EYA2: variants seen among roughly 807,000 people sequenced by gnomAD.
EYA2 encodes the protein EYA transcriptional coactivator and phosphatase 2.
EYA2 carries 31 observed loss-of-function variants against 69.2 expected under a neutral mutation model. The ratio of observed to expected loss-of-function variants is 0.45; its 90% confidence interval spans 0.34 to 0.60. The LOEUF (loss-of-function observed/expected upper bound fraction) is 0.60, where lower values mean the gene tolerates loss of function less well. Among genes scored for constraint, EYA2 ranks in the 20% least tolerant of loss-of-function variants. The pLI, the probability that EYA2 is intolerant of heterozygous loss-of-function variation, is 0.02. For synonymous variants in EYA2, 257 were observed against 279.4 expected (o/e 0.92, Z 0.80); for missense variants, 622 against 701.2 (o/e 0.89, Z 1.28).
chr20:47,156,186 T>A (rs1260600754), intron 10 of EYA2, among the ~76,000 whole-genome samples: 13 of 88,826 alleles, frequency 1.5e-4, no homozygotes, highest in Admixed American at 3.0e-4. Context: ...ATATATATAT[T>A]AGCCGGGCAT....
At chr20:47,161,954 T>G (rs2034077070) in intron 10 of EYA2, among the ~76,000 whole-genome samples, 1 of 152,182 alleles carries the variant, frequency 6.6e-6, no homozygotes, top group South Asian at 2.1e-4. Context: ...CAAGAGAAAC[T>G]TACTGTCCCA....
At chr20:46,898,819 G>A (rs1983947493) in intron 1 of EYA2, among the ~76,000 whole-genome samples, 1 of 152,178 alleles carries the variant, frequency 6.6e-6, no homozygotes, top group Non-Finnish European at 1.5e-5. Context: ...CAGTTTTAAG[G>A]TACCTGCCAG....
chr20:46,980,413 G>A (rs973602776), intron 1 of EYA2, among the ~76,000 whole-genome samples: 1 of 152,122 alleles, frequency 6.6e-6, no homozygotes, highest in Non-Finnish European at 1.5e-5. Flanking sequence ...ATAAAACGGT[G>A]TGGTTCGTAA....
intron 5 of EYA2, among the ~76,000 whole-genome samples, chr20:47,067,552 G>C (rs1047187918): frequency 7.2e-5 from 11 of 151,892 alleles, no homozygotes; most frequent in African/African-American, 2.7e-4. Context: ...AATAGCTCAT[G>C]TCACCCATAA....
At chr20:47,016,334 T>C in intron 5 of EYA2, 37 bp downstream of exon 5, 1 of 1,514,722 alleles carries the variant, frequency 6.6e-7, no homozygotes, top group South Asian at 1.1e-5. Context: ...TGCCCATCTC[T>C]AAGGACCACC....
chr20:47,026,995 A>G (rs1194529627), intron 5 of EYA2, among the ~76,000 whole-genome samples: 2 of 73,296 alleles, frequency 2.7e-5, no homozygotes, highest in Admixed American at 2.7e-4. Flanking sequence ...CACATCTTGC[A>G]GTCTTGCTCC....
intron 4 of EYA2, among the ~76,000 whole-genome samples, chr20:47,006,404 A>C (rs1982718212): frequency 1.3e-5 from 2 of 152,228 alleles, no homozygotes; most frequent in Admixed American, 1.3e-4. Context: ...AATCCGGGCT[A>C]TCCAGTGGAA....
At chr20:47,002,115 T>A (rs1453673592) in intron 3 of EYA2, among the ~76,000 whole-genome samples, 5 of 151,828 alleles carry the variant, frequency 3.3e-5, no homozygotes, top group South Asian at 2.1e-4. Context: ...TTTTTCTCTT[T>A]CCCTTCCTCT....
intron 9 of EYA2, among the ~76,000 whole-genome samples, chr20:47,136,422 A>G (rs1454540062): frequency 6.6e-6 from 1 of 152,196 alleles, no homozygotes; most frequent in Non-Finnish European, 1.5e-5. Context: ...CACGAGGCAG[A>G]TCTTTGGGCC....
chr20:47,016,614 A>C (rs529925664), intron 5 of EYA2, among the ~76,000 whole-genome samples: 1 of 152,354 alleles, frequency 6.6e-6, no homozygotes, highest in East Asian at 1.9e-4. Context: ...GTGACTTTAG[A>C]TCAAATCACC....
At chr20:46,949,307 G>A (rs542740032) in intron 1 of EYA2, among the ~76,000 whole-genome samples, 1 of 152,340 alleles carries the variant, frequency 6.6e-6, no homozygotes, top group East Asian at 1.9e-4. Context: ...AAAATCTGAA[G>A]TTAACAGTGA....
intron 9 of EYA2, among the ~76,000 whole-genome samples, chr20:47,099,565 A>G (rs1245114911): frequency 6.6e-6 from 1 of 152,210 alleles, no homozygotes; most frequent in Non-Finnish European, 1.5e-5. Context: ...AGAGCATCAC[A>G]AATGCTAACT....
intron 1 of EYA2, among the ~76,000 whole-genome samples, chr20:46,960,675 C>G (rs1388164852): frequency 6.6e-6 from 1 of 152,206 alleles, no homozygotes; most frequent in Non-Finnish European, 1.5e-5. Context: ...TATTAGAACA[C>G]AGTCATCCCA....
rs1985221605 is a variant in EYA2 at position 46,922,442 on chromosome 20, C to T, written c.-11+27455C>T. Among the ~76,000 whole-genome samples, 4 of 152,148 alleles carry T rather than the reference C, an allele frequency of 2.6e-5. No individual in the cohort carries two copies. The South Asian group carries it at 8.3e-4, about 32-fold the overall frequency. On this transcript the variant is annotated intron_variant, in intron 1 of 15. Transcript: ENST00000327619. Reference sequence around the variant, plus strand: ...ACATTCCAAAATGTTTTACTAGGGGCACCGATTGTTTCATATTCAAGTAAA... The same window carrying T: ...ACATTCCAAAATGTTTTACTAGGGGTACCGATTGTTTCATATTCAAGTAAA...
At chr20:47,023,634 T>TTTG (rs1555813780) in intron 5 of EYA2, among the ~76,000 whole-genome samples, 2 of 84,566 alleles carry the variant, frequency 2.4e-5, no homozygotes, top group Admixed American at 1.4e-4. Flanking sequence ...TTTTGGGTGT[T>TTTG]TTTTTTTTTT....
chr20:47,066,349 T>G (rs2031108602), intron 5 of EYA2, among the ~76,000 whole-genome samples: 1 of 152,032 alleles, frequency 6.6e-6, no homozygotes, highest in African/African-American at 2.4e-5. Flanking sequence ...AAAAATTATT[T>G]TACTGAGTCA....
intron 2 of EYA2, chr20:46,997,876 T>C (rs1319232148): frequency 6.6e-6 from 1 of 152,230 alleles, no homozygotes; most frequent in East Asian, 1.9e-4. Context: ...TTGGAGCTCA[T>C]CTGAAGAATG....
chr20:46,931,157 A>G (rs1985651960), intron 1 of EYA2, among the ~76,000 whole-genome samples: 1 of 152,218 alleles, frequency 6.6e-6, no homozygotes, highest in Non-Finnish European at 1.5e-5. Context: ...CACTTTGTAA[A>G]TGAAGACACT....
intron 2 of EYA2, among the ~76,000 whole-genome samples, chr20:46,992,251 TCTAAAAAGTGGGTA>T (rs1432374951): frequency 6.6e-6 from 1 of 152,120 alleles, no homozygotes; most frequent in East Asian, 1.9e-4. Context: ...TCTTCACAAC[TCTAAAAAGTGGGTA>T]CTGTTATTAT....
Sources: allele counts gnomAD v4.1 joint callset (sites outside exome capture counted in the v4.1 genomes callset), GRCh38; gene constraint gnomAD v4.1.1; transcripts MANE v1.5; gene names NCBI Gene and HGNC (gene_info 2026-07-23, HGNC 2026-07-21).